Variants in IKZF1 observed in about 807,000 individuals in gnomAD.
The protein encoded by IKZF1 is IKAROS family zinc finger 1, also known as DNA-binding protein Ikaros.
In IKZF1, 10 loss-of-function variants were observed where a neutral mutation model predicts 51.7. That is an observed-to-expected ratio of 0.19 (90% CI 0.12 to 0.33). The LOEUF is 0.33. IKZF1 is among the 10% of genes least tolerant of loss of function. The probability of loss-of-function intolerance (pLI) is 1.00; values close to 1 mark genes in which losing one functional copy is unlikely to be tolerated. For missense variants in IKZF1, 484 were observed against 707.5 expected (o/e 0.68, Z 3.58); for synonymous variants, 280 against 282.3 (o/e 0.99, Z 0.08).
intron 1 of IKZF1, among the ~76,000 whole-genome samples, chr7:50,313,418 A>G (rs1790672597): frequency 1.3e-5 from 2 of 152,250 alleles, no homozygotes; most frequent in African/African-American, 4.8e-5. Flanking sequence ...CATTTGGCCA[A>G]ATAACCAGAA....
intron 3 of IKZF1, among the ~76,000 whole-genome samples, chr7:50,345,239 C>A (rs904445233): frequency 3.3e-5 from 5 of 152,072 alleles, no homozygotes; most frequent in African/African-American, 1.2e-4. Context: ...TGGGTATATA[C>A]TATGGATTTG....
At chr7:50,326,196 T>G (rs921952443) in intron 2 of IKZF1, among the ~76,000 whole-genome samples, 1 of 152,238 alleles carries the variant, frequency 6.6e-6, no homozygotes, top group African/African-American at 2.4e-5. Flanking sequence ...GAAGGTTTAT[T>G]CAAACAAACA....
At chr7:50,308,660 G>A (rs1042302675) in intron 1 of IKZF1, 1 of 152,200 alleles carries the variant, frequency 6.6e-6, no homozygotes, top group African/African-American at 2.4e-5. Flanking sequence ...AAGAGAAAAC[G>A]GTCTTCCCTC....
intron 3 of IKZF1, among the ~76,000 whole-genome samples, chr7:50,363,872 C>T (rs1234063507): frequency 6.6e-6 from 1 of 152,204 alleles, no homozygotes; most frequent in Non-Finnish European, 1.5e-5. Flanking sequence ...TCCTGTGACT[C>T]TCACTAGCTC....
chr7:50,367,351 T>C (rs1807255213), intron 3 of IKZF1, among the ~76,000 whole-genome samples: 1 of 152,194 alleles, frequency 6.6e-6, no homozygotes, highest in African/African-American at 2.4e-5. Context: ...TGTGCACATG[T>C]GCAGAATCTA....
rs60394654 is a variant in IKZF1 at position 50,392,721 on chromosome 7, G to C, written c.850+858G>C. ...TGTGAAGGTTAACTCTGTCCGGAAA[G>C]AGGACCAGTAAAAGCTTCATGAGGC... is the stretch of plus-strand genomic sequence containing the variant. On this transcript the variant is annotated intron_variant, in intron 7 of 7. Coordinates refer to ENST00000331340, the MANE Select transcript of IKZF1 (RefSeq NM_006060.6). Among the ~76,000 whole-genome samples, 3 of 152,210 alleles carry C rather than the reference G, an allele frequency of 2.0e-5. No individual in the cohort carries two copies. In the East Asian group the frequency reaches 5.8e-4, roughly 29 times the overall value.
At chr7:50,339,215 TTGTGTGTGTGTGTGTG>T (rs1158908841) in intron 3 of IKZF1, among the ~76,000 whole-genome samples, 157 of 126,480 alleles carry the variant, frequency 1.2e-3, no homozygotes, top group Non-Finnish European at 1.7e-3. Flanking sequence ...TTGGGTAGGG[TTGTGTGTGTGTGTGTG>T]TGTGTGTGTG....
rs2153307536 is a variant in IKZF1, at chr7:50,304,797, C to T, written c.-140C>T. 6.6e-6 allele frequency: 1 copy of T among 152,550 alleles called. No homozygotes were observed. The allele number at this position is 152,550 out of a possible 1,614,324, so 9.4% of individuals were successfully genotyped here. A position where few individuals can be genotyped will look rare whatever the true frequency, so the allele number is the denominator to read the frequency against. On this transcript the variant is annotated 5_prime_UTR_variant, in exon 1 of 8. Transcript: ENST00000331340. ...TGGGTCCCCGCGCGGCGCATCCCAG[C>T]CTGGGCGGGACGCTCGGCCGCGGCG...
intron 7 of IKZF1, among the ~76,000 whole-genome samples, chr7:50,392,694 G>A (rs909183420): frequency 2.6e-5 from 4 of 152,172 alleles, no homozygotes; most frequent in South Asian, 2.1e-4. Flanking sequence ...AGAATCCCTC[G>A]GTGTGAAGGT....
At position 50,376,663 on chromosome 7, in the gene IKZF1, G is replaced by T; in HGVS notation, c.291G>T (p.Arg97Ser). The change falls in exon 4 of 8, where the codon AGG becomes AGT. Residue 97 changes from arginine to serine, a missense_variant. By Grantham distance (110) the Arg-to-Ser change is moderately radical. This residue lies in a region of IKZF1 where 118 missense variants were observed against 138.4 expected (regional missense o/e 0.85). Coordinates refer to ENST00000331340, the MANE Select transcript of IKZF1 (RefSeq NM_006060.6). This position sits in a 1 kb window ranked among gnomAD's most constrained non-coding sequence, Gnocchi z 4.5. ...ASGEKMNGSH[R>S]DQGSSALSGV... The stretch of plus-strand genomic sequence containing the variant: ...GAGAGAAAATGAATGGCTCCCACAG[G>T]GACCAAGGCAGCTCGGCTTTGTCGG... 1 of 1,613,940 alleles carries T rather than the reference G, an allele frequency of 6.2e-7. No homozygotes were observed. Among genetic ancestry groups the T allele is most frequent in the South Asian group, 1.1e-5 (1 of 91,078 alleles).
Position 50,316,893 on chromosome 7 carries a change from A to G in IKZF1, c.-14-2155A>G, listed in dbSNP as rs190670639. 5.9e-3 allele frequency among the ~76,000 whole-genome samples: 896 copies of G among 152,380 alleles called. 60 individuals carry two copies. The highest frequency in any genetic ancestry group is 0.058 in the Admixed American group (885 of 15,310). ...ATTGAAAATAACTTGAGTATGCAAC[A>G]GTAGGGCATTTGTTATATAAATTAG... On this transcript the variant is annotated intron_variant, in intron 1 of 7. Transcript: ENST00000331340.
At chr7:50,365,894 C>A (rs771325927) in intron 3 of IKZF1, among the ~76,000 whole-genome samples, 1 of 152,114 alleles carries the variant, frequency 6.6e-6, no homozygotes, top group Admixed American at 6.5e-5. Context: ...CAATGATAGA[C>A]TGGATAAAGA....
chr7:50,316,308 A>T (rs778143108), intron 1 of IKZF1, among the ~76,000 whole-genome samples: 3 of 152,198 alleles, frequency 2.0e-5, no homozygotes, highest in African/African-American at 7.2e-5. Context: ...CCCCCAAGCA[A>T]CTGCACTCAT....
intron 7 of IKZF1, among the ~76,000 whole-genome samples, chr7:50,399,390 AAATTATTAAATAC>A (rs1817536185): frequency 6.6e-6 from 1 of 151,562 alleles, no homozygotes; most frequent in Non-Finnish European, 1.5e-5. Context: ...TAGATTATTA[AAATTATTAAATAC>A]AATTATTAAA....
At chr7:50,371,736 G>T (rs570915648) in intron 3 of IKZF1, among the ~76,000 whole-genome samples, 9 of 152,220 alleles carry the variant, frequency 5.9e-5, no homozygotes, top group Non-Finnish European at 1.0e-4. Flanking sequence ...AACCTTGCTC[G>T]CAGGAATTAG....
chr7:50,313,744 T>C (rs1790765114), intron 1 of IKZF1, among the ~76,000 whole-genome samples: 2 of 152,218 alleles, frequency 1.3e-5, no homozygotes, highest in African/African-American at 2.4e-5. Flanking sequence ...TTGGGTTTAA[T>C]TGGGAGAGTT....
intron 3 of IKZF1, among the ~76,000 whole-genome samples, chr7:50,374,171 A>C (rs373788754): frequency 3.3e-5 from 5 of 152,322 alleles, no homozygotes; most frequent in African/African-American, 1.2e-4. Context: ...TAATAAGAAA[A>C]CACTGGCAGT....
chr7:50,317,836 G>A (rs1260004646), intron 1 of IKZF1, among the ~76,000 whole-genome samples: 1 of 152,182 alleles, frequency 6.6e-6, no homozygotes, highest in Non-Finnish European at 1.5e-5. Flanking sequence ...CTAATTGAGA[G>A]GGTAAGATCC....
intron 3 of IKZF1, among the ~76,000 whole-genome samples, chr7:50,358,401 G>A (rs918222282): frequency 1.2e-4 from 18 of 152,350 alleles, no homozygotes; most frequent in African/African-American, 2.2e-4. Context: ...CCAATCTCGC[G>A]TGAAGGCTGT....
Sources: gnomAD v4.1 joint callset for allele counts (sites outside exome capture counted in the v4.1 genomes callset) on GRCh38, gnomAD v4.1.1 for gene constraint, gnomAD v4.1.1 regional missense constraint, Gnocchi (gnomAD v3.1) non-coding constraint, MANE v1.5 for transcripts, NCBI Gene and HGNC (gene_info 2026-07-23, HGNC 2026-07-21) for gene names.